DLC1: variants seen among roughly 807,000 people sequenced by gnomAD.
The protein encoded by DLC1 is DLC1 Rho GTPase activating protein, also known as rho GTPase-activating protein 7.
A neutral mutation model predicts 140.3 loss-of-function variants in DLC1; 54 were observed. That is an observed-to-expected ratio of 0.38 (90% confidence interval 0.31 to 0.48). The LOEUF is 0.48. DLC1 is among the 20% of genes least tolerant of loss of function. DLC1 has a pLI of 0.96. For synonymous variants in DLC1, 986 were observed against 728.1 expected (o/e 1.35, Z -5.70); for missense variants, 2,536 against 1,907.0 (o/e 1.33, Z -6.14).
At chr8:13,431,579 C>G (rs566645935) in intron 2 of DLC1, among the ~76,000 whole-genome samples, 1 of 144,008 alleles carries the variant, frequency 6.9e-6, no homozygotes, top group African/African-American at 2.5e-5. Flanking sequence ...TTTGTGATGA[C>G]TTTGTTTCCA....
At chr8:13,479,157 C>G (rs1800569716) in intron 2 of DLC1, among the ~76,000 whole-genome samples, 1 of 152,152 alleles carries the variant, frequency 6.6e-6, no homozygotes, top group Non-Finnish European at 1.5e-5. Flanking sequence ...TTTTGTATCC[C>G]TTCCATCTGG....
intron 2 of DLC1, among the ~76,000 whole-genome samples, chr8:13,489,187 T>C (rs1801116503): frequency 6.6e-6 from 1 of 152,074 alleles, no homozygotes; most frequent in South Asian, 2.1e-4. Context: ...CATCAGGTGA[T>C]CTGCCTGCTT....
Position 13,580,121 on chromosome 8 carries a change from A to ATTTTTATTT in DLC1, c.-126+24415_-126+24416insAAATAAAAA, listed in dbSNP as rs71207167. The stretch of plus-strand genomic sequence containing the variant: ...TCAGCTTCTAATTTAAGTTGGTTAC[A>ATTTTTATTT]TTTATTTTTTTATTTTTTTGAGACA... On this transcript the variant is annotated intron_variant, in intron 1 of 1. Transcript: ENST00000631382. Among the ~76,000 whole-genome samples the ATTTTTATTT allele has an allele frequency of 1.2e-3, 179 of 150,586 alleles. 1 individual carries two copies. The East Asian group carries it at 0.016, about 13-fold the overall frequency.
In DLC1 at chr8:13,193,004, T is replaced by C. The variant is rs73663620; in HGVS notation, c.1349-77347A>G. On this transcript the variant is annotated intron_variant, in intron 5 of 17. Transcript: ENST00000276297. ...ATACAGTGACCCTCTTGATGAATCT[T>C]CCTCTGCCTAAGGACTTTATTCTTT... Among the ~76,000 whole-genome samples the C allele has an allele frequency of 5.6e-3, 847 of 152,308 alleles. 12 individuals are homozygous for C. Among genetic ancestry groups the C allele is most frequent in the African/African-American group, 0.019 (807 of 41,566 alleles).
At chr8:13,569,720 T>C (rs2117408398) in intron 1 of DLC1, among the ~76,000 whole-genome samples, 1 of 152,304 alleles carries the variant, frequency 6.6e-6, no homozygotes, top group Admixed American at 6.5e-5. Context: ...ATTTTTTAAA[T>C]TTGTTACTTA....
intron 5 of DLC1, among the ~76,000 whole-genome samples, chr8:13,195,777 G>A (rs1469643660): frequency 2.0e-5 from 3 of 152,086 alleles, no homozygotes; most frequent in Non-Finnish European, 4.4e-5. Flanking sequence ...GAAGAGGGTT[G>A]ATGGCCATGT....
chr8:13,171,479 C>A (rs1350734612), intron 5 of DLC1, among the ~76,000 whole-genome samples: 1 of 152,162 alleles, frequency 6.6e-6, no homozygotes, highest in African/African-American at 2.4e-5. Context: ...CAGCTTCAAA[C>A]TCCTGGGCTC....
chr8:13,593,756 T>C (rs999687401), intron 1 of DLC1, among the ~76,000 whole-genome samples: 1 of 152,122 alleles, frequency 6.6e-6, no homozygotes, highest in African/African-American at 2.4e-5. Context: ...TTATTAGTTA[T>C]ACTCAGAAGT....
Position 13,217,196 on chromosome 8 carries a change from C to A in DLC1, c.1348+88073G>T, listed in dbSNP as rs532939932. Among the ~76,000 whole-genome samples the A allele has an allele frequency of 2.6e-5, 4 of 152,188 alleles. No homozygotes were observed. The East Asian group carries it at 7.7e-4, about 29-fold the overall frequency. On this transcript the variant is annotated intron_variant, in intron 5 of 17. Coordinates refer to ENST00000276297, the MANE Select transcript of DLC1 (RefSeq NM_182643.3). ...TTACTATTTGTATAGCTGTGAGATGCTTGCTTTTCCATTTGTCTATGCCAG... is the reference window on the plus strand; with the variant it reads ...TTACTATTTGTATAGCTGTGAGATGATTGCTTTTCCATTTGTCTATGCCAG...
chr8:13,430,280 T>C (rs1034194360), intron 2 of DLC1, among the ~76,000 whole-genome samples: 4 of 152,194 alleles, frequency 2.6e-5, no homozygotes, highest in Non-Finnish European at 1.5e-5. Context: ...TCACATGTGA[T>C]TGTGCCATTA....
At chr8:13,260,109 A>G (rs1038746083) in intron 5 of DLC1, among the ~76,000 whole-genome samples, 1 of 152,166 alleles carries the variant, frequency 6.6e-6, no homozygotes, top group East Asian at 1.9e-4. Flanking sequence ...GGAGACAGGA[A>G]TGGCTAAATA....
At chr8:13,469,121 T>C (rs946557368) in intron 2 of DLC1, among the ~76,000 whole-genome samples, 8 of 152,180 alleles carry the variant, frequency 5.3e-5, no homozygotes, top group African/African-American at 1.9e-4. Flanking sequence ...GCCCAGCCTG[T>C]GTCTGCTTTT....
intron 5 of DLC1, among the ~76,000 whole-genome samples, chr8:13,183,618 T>A (rs1826167460): frequency 6.6e-6 from 1 of 152,202 alleles, no homozygotes; most frequent in Non-Finnish European, 1.5e-5. Context: ...TGGATTACGT[T>A]TATTGATTTG....
chr8:13,362,789 T>C (rs1174990983), intron 4 of DLC1, among the ~76,000 whole-genome samples: 1 of 152,194 alleles, frequency 6.6e-6, no homozygotes, highest in Non-Finnish European at 1.5e-5. Context: ...CTGTCTTTCC[T>C]GTCTCAGGGC....
chr8:13,356,426 G>A (rs1226357064), intron 4 of DLC1, among the ~76,000 whole-genome samples: 1 of 152,128 alleles, frequency 6.6e-6, no homozygotes, highest in South Asian at 2.1e-4. Context: ...TAACAAAATT[G>A]TCCTTTATCC....
At chr8:13,156,591 C>G (rs1336928967) in intron 5 of DLC1, among the ~76,000 whole-genome samples, 1 of 152,190 alleles carries the variant, frequency 6.6e-6, no homozygotes, top group African/African-American at 2.4e-5. Context: ...CCCATCCCTT[C>G]CTTCCAGGGC....
intron 4 of DLC1, among the ~76,000 whole-genome samples, chr8:13,306,671 A>C (rs1832449480): frequency 6.6e-6 from 1 of 152,082 alleles, no homozygotes; most frequent in East Asian, 1.9e-4. Flanking sequence ...AGAAATAGCA[A>C]ATATCAAGAC....
chr8:13,481,190 C>T (rs1399643477), intron 2 of DLC1, among the ~76,000 whole-genome samples: 1 of 152,034 alleles, frequency 6.6e-6, no homozygotes, highest in Admixed American at 6.5e-5. Flanking sequence ...CTTGGGAGGC[C>T]AAGGCAGCTG....
intron 5 of DLC1, among the ~76,000 whole-genome samples, chr8:13,137,756 C>G (rs1455000593): frequency 6.6e-6 from 1 of 151,832 alleles, no homozygotes; most frequent in Non-Finnish European, 1.5e-5. Flanking sequence ...TGCCACCACG[C>G]CTGGCTACCT....
Sources: gnomAD v4.1 joint callset for allele counts (sites outside exome capture counted in the v4.1 genomes callset) on GRCh38, gnomAD v4.1.1 for gene constraint, MANE v1.5 for transcripts, NCBI Gene and HGNC (gene_info 2026-07-23, HGNC 2026-07-21) for gene names.